TBC1D15: variants seen among roughly 807,000 people sequenced by gnomAD.
The protein encoded by TBC1D15 is GAP for RAB7.
A neutral mutation model predicts 95.4 loss-of-function variants in TBC1D15; 39 were observed. That is an observed-to-expected ratio of 0.41 (90% CI 0.32 to 0.53). The LOEUF (loss-of-function observed/expected upper bound fraction) is 0.53, where lower values mean the gene tolerates loss of function less well. TBC1D15 is among the 20% of genes least tolerant of loss of function. The pLI, the probability that TBC1D15 is intolerant of heterozygous loss-of-function variation, is 0.29. For missense variants in TBC1D15, 733 were observed against 794.3 expected, an observed-to-expected ratio of 0.92 and a Z score of 0.93; for synonymous variants, 258 against 261.3, an observed-to-expected ratio of 0.99 and a Z score of 0.12.
chr12:71,865,774 C>T (rs537017844), intron 1 of TBC1D15, among the ~76,000 whole-genome samples: 11 of 152,178 alleles, frequency 7.2e-5, no homozygotes, highest in African/African-American at 2.6e-4. Context: ...TGTGTCAGCT[C>T]AGCCTGGGGA....
intron 1 of TBC1D15, among the ~76,000 whole-genome samples, chr12:71,857,345 T>G (rs1054627235): frequency 6.6e-6 from 1 of 152,208 alleles, no homozygotes; most frequent in Non-Finnish European, 1.5e-5. Context: ...GAGATGAAAT[T>G]ATTCACATCA....
At chr12:71,891,786 A>C (rs561545096) in intron 5 of TBC1D15, among the ~76,000 whole-genome samples, 1 of 151,996 alleles carries the variant, frequency 6.6e-6, no homozygotes, top group Non-Finnish European at 1.5e-5. Flanking sequence ...TCATCTTCGG[A>C]TCTCCAGTTT....
chr12:71,881,168 G>C (rs927366583), intron 4 of TBC1D15, among the ~76,000 whole-genome samples: 1 of 152,132 alleles, frequency 6.6e-6, no homozygotes, highest in Non-Finnish European at 1.5e-5. Flanking sequence ...TTCCTGTCAC[G>C]TAGCGACATC....
chr12:71,842,310 G>C (rs1176998897), intron 1 of TBC1D15, among the ~76,000 whole-genome samples: 1 of 152,148 alleles, frequency 6.6e-6, no homozygotes, highest in African/African-American at 2.4e-5. Context: ...ACATTTACAA[G>C]CGACTTCAGT....
intron 5 of TBC1D15, among the ~76,000 whole-genome samples, chr12:71,890,270 C>G (rs939304749): frequency 1.3e-5 from 2 of 152,018 alleles, no homozygotes; most frequent in African/African-American, 2.4e-5. Flanking sequence ...AGCAGTTATC[C>G]TAAGTAAAAC....
chr12:71,907,140 T>G lies in TBC1D15; in HGVS notation c.1300+2T>G. 6.6e-7 allele frequency: 1 copy of G among 1,525,512 alleles called. No individual in the cohort carries two copies. The highest frequency in any genetic ancestry group is 1.4e-5 in the African/African-American group (1 of 72,488). 94.5% of individuals were successfully genotyped at this position (1,525,512 alleles called of 1,614,324 possible). A position where few individuals can be genotyped will look rare whatever the true frequency, so the allele number is the denominator to read the frequency against. On this transcript the variant is annotated splice_donor_variant, in intron 11 of 16. Coordinates refer to ENST00000485960, the MANE Select transcript of TBC1D15 (RefSeq NM_001146213.3). LOFTEE classifies it high-confidence loss of function. Reference sequence around the variant, plus strand: ...ACTGTATGTATGATTTTGATTTAGGTAAGTTCTCTAAAGTTCTAATTTTAA... The same window carrying G: ...ACTGTATGTATGATTTTGATTTAGGGAAGTTCTCTAAAGTTCTAATTTTAA...
chr12:71,850,816 G>T (rs780868019), intron 1 of TBC1D15, among the ~76,000 whole-genome samples: 1 of 151,750 alleles, frequency 6.6e-6, no homozygotes. Context: ...GTGAAACCCC[G>T]TCTCTACTAA....
chr12:71,897,631 T>G (rs1414422394), intron 9 of TBC1D15, among the ~76,000 whole-genome samples: 1 of 152,040 alleles, frequency 6.6e-6, no homozygotes, highest in Non-Finnish European at 1.5e-5. Context: ...TTGAACAAAG[T>G]TTATCACATA....
intron 7 of TBC1D15, 69 bp from the exon 8 acceptor site, chr12:71,895,878 G>GT (rs2138710617): frequency 6.9e-7 from 1 of 1,440,764 alleles, no homozygotes; most frequent in South Asian, 1.4e-5. Context: ...TTTAAATTTA[G>GT]TTTCTATATG....
chr12:71,903,052 C>A (rs1262240544), intron 10 of TBC1D15, among the ~76,000 whole-genome samples: 2 of 152,146 alleles, frequency 1.3e-5, no homozygotes, highest in Non-Finnish European at 2.9e-5. Context: ...GCTGGGATTA[C>A]AGGTGCCCAC....
chr12:71,887,640 T>C (rs2138584223), intron 5 of TBC1D15, among the ~76,000 whole-genome samples: 1 of 152,322 alleles, frequency 6.6e-6, no homozygotes, highest in East Asian at 1.9e-4. Flanking sequence ...CTCCATTTAA[T>C]GTCACTTCCT....
intron 3 of TBC1D15, 60 bp from the exon 4 acceptor site, chr12:71,880,409 A>G: frequency 7.0e-7 from 1 of 1,421,706 alleles, no homozygotes; most frequent in Non-Finnish European, 9.5e-7. Flanking sequence ...CTAAGATGAT[A>G]TGGATTGAAA....
chr12:71,865,334 A>G (rs1891262220), intron 1 of TBC1D15, among the ~76,000 whole-genome samples: 1 of 152,068 alleles, frequency 6.6e-6, no homozygotes, highest in African/African-American at 2.4e-5. Flanking sequence ...GGCAGGGCAC[A>G]ACACTGGCCT....
intron 3 of TBC1D15, among the ~76,000 whole-genome samples, chr12:71,877,566 T>C (rs1404893313): frequency 6.7e-6 from 1 of 149,272 alleles, no homozygotes; most frequent in East Asian, 2.0e-4. Context: ...CTTCCTTTCT[T>C]CTTTTTCTTT....
intron 1 of TBC1D15, chr12:71,849,883 G>A (rs149772193): frequency 1.7e-5 from 10 of 571,794 alleles, no homozygotes; most frequent in Non-Finnish European, 3.4e-5. Flanking sequence ...GAATGTTTGG[G>A]GTCCACCAAA....
chr12:71,869,641 C>G (rs896669375), intron 1 of TBC1D15, among the ~76,000 whole-genome samples: 6 of 152,140 alleles, frequency 3.9e-5, no homozygotes, highest in South Asian at 2.1e-4. Flanking sequence ...AAAATAGATA[C>G]ATATGCTGAA....
chr12:71,907,825 G>C (rs1454085460), intron 11 of TBC1D15: 1 of 152,206 alleles, frequency 6.6e-6, no homozygotes, highest in Non-Finnish European at 1.5e-5. Flanking sequence ...TGTAGGGCAT[G>C]TAGAACTTAC....
chr12:71,894,968 A>G, intron 7 of TBC1D15, 85 bp downstream of exon 7: 2 of 1,296,922 alleles, frequency 1.5e-6, no homozygotes, highest in Non-Finnish European at 2.1e-6. Flanking sequence ...TTTTGGTGAT[A>G]TCTGCTTCTT....
intron 10 of TBC1D15, among the ~76,000 whole-genome samples, chr12:71,899,371 T>C (rs1441987966): frequency 2.0e-5 from 3 of 152,202 alleles, no homozygotes; most frequent in Non-Finnish European, 4.4e-5. Flanking sequence ...GCCATCTATC[T>C]CGTTAGTTTT....
Sources: allele counts gnomAD v4.1 joint callset (sites outside exome capture counted in the v4.1 genomes callset), GRCh38; gene constraint gnomAD v4.1.1; transcripts MANE v1.5; gene names NCBI Gene and HGNC (gene_info 2026-07-23, HGNC 2026-07-21).